Variants in MYO10 observed in about 807,000 individuals in gnomAD.
MYO10 encodes unconventional myosin-X.
In MYO10, 133 loss-of-function variants were observed where a neutral mutation model predicts 257.3. That is an observed-to-expected ratio of 0.52 (90% CI 0.45 to 0.60). The LOEUF is 0.60. MYO10 is among the 20% of genes least tolerant of loss of function. The pLI, the probability that MYO10 is intolerant of heterozygous loss-of-function variation, is 0.00. For missense variants in MYO10, 2,399 were observed against 2,635.7 expected (o/e 0.91, Z 1.97); for synonymous variants, 1,104 against 1,028.6 (o/e 1.07, Z -1.40).
At chr5:16,901,230 G>A (rs1484767961) in intron 1 of MYO10, among the ~76,000 whole-genome samples, 2 of 151,928 alleles carry the variant, frequency 1.3e-5, no homozygotes, top group Non-Finnish European at 2.9e-5. Context: ...CTCTGGCTTC[G>A]GCATTCACAT....
At position 16,699,786 on chromosome 5, in the gene MYO10, CAAAAAAAAAAAA is replaced by C. The variant is rs1203905060; in HGVS notation, c.3433-225_3433-214del. ...TGGGCAACAGAGCAAGCCTCAGTCT[CAAAAAAAAAAAA>C]AAAAAAAAAGGGAAAAGGAAAAAGA... On this transcript the variant is annotated intron_variant, in intron 25 of 40. Transcript: ENST00000513610. The C allele has an allele frequency of 9.4e-5, 5 of 53,304 alleles. 1 individual carries two copies. The highest frequency in any genetic ancestry group is 8.2e-4 in the South Asian group (1 of 1,214). The allele number at this position is 53,304 out of a possible 1,614,324, so 3.3% of individuals were successfully genotyped here. A position where few individuals can be genotyped will look rare whatever the true frequency, so the allele number is the denominator to read the frequency against.
rs1341530273 is a variant in MYO10, at chr5:16,760,427, C to T, written c.1739+1037G>A. ...AGTGAGCCGAGATTGCGCCACTGCACTCCAGTCTGGGTGACAGAACGAGAC... is the reference window on the plus strand; with the variant it reads ...AGTGAGCCGAGATTGCGCCACTGCATTCCAGTCTGGGTGACAGAACGAGAC... On this transcript the variant is annotated intron_variant, in intron 17 of 40. Coordinates refer to ENST00000513610, the MANE Select transcript of MYO10 (RefSeq NM_012334.3). 2.0e-5 allele frequency among the ~76,000 whole-genome samples: 3 copies of T among 150,070 alleles called. No individual in the cohort carries two copies. In the East Asian group the frequency reaches 5.9e-4, roughly 29 times the overall value.
intron 1 of MYO10, chr5:16,916,255 C>A: frequency 2.4e-6 from 1 of 415,086 alleles, no homozygotes; most frequent in South Asian, 1.7e-5. Context: ...GATAGTGGTG[C>A]AGACTCGTGT....
At chr5:16,696,804 C>T (rs553277800) in intron 26 of MYO10, among the ~76,000 whole-genome samples, 44 of 149,094 alleles carry the variant, frequency 3.0e-4, no homozygotes, top group Non-Finnish European at 5.3e-4. Context: ...TGTGGTGAGC[C>T]GAGTTCGCAC....
chr5:16,694,323 A>G (rs1003412528), intron 27 of MYO10, 48 bp downstream of exon 27: 1 of 1,610,932 alleles, frequency 6.2e-7, no homozygotes, highest in African/African-American at 1.3e-5. Context: ...GACCACCAGC[A>G]TAAACCATGA....
At chr5:16,768,664 C>CTTTTT (rs34950225) in intron 10 of MYO10, among the ~76,000 whole-genome samples, 736 of 70,022 alleles carry the variant, frequency 0.011, 4 homozygotes, top group East Asian at 0.023. Flanking sequence ...TTTCTCTTTT[C>CTTTTT]TTTTTTTTTT....
chr5:16,762,420 G>T, intron 15 of MYO10, 125 bp downstream of exon 15: 3 of 799,748 alleles, frequency 3.8e-6, no homozygotes, highest in Non-Finnish European at 5.9e-6. Context: ...GAACAGCTTT[G>T]GTTTGAGAAT....
Position 16,754,848 on chromosome 5 carries a change from T to TA in MYO10, c.1908dup (p.Ile637TyrfsTer13), listed in dbSNP as rs1560967135. ...CTTACCTTCTGCATGTTTGGCTTGA[T>TA]ACAGCGAACAAAGAAAGGATTAGAG... On this transcript the variant is annotated frameshift_variant, in exon 19 of 41. Coordinates refer to ENST00000513610, the MANE Select transcript of MYO10 (RefSeq NM_012334.3). LOFTEE classifies it high-confidence loss of function. 1 of 1,604,606 alleles carries TA rather than the reference T, an allele frequency of 6.2e-7. No individual in the cohort carries two copies.
intron 9 of MYO10, among the ~76,000 whole-genome samples, chr5:16,771,828 A>T (rs1323882190): frequency 6.6e-6 from 1 of 151,732 alleles, no homozygotes; most frequent in Non-Finnish European, 1.5e-5. Flanking sequence ...CAATCTGCCC[A>T]CCTAGGTCTC....
intron 1 of MYO10, among the ~76,000 whole-genome samples, chr5:16,885,500 C>A (rs1561038519): frequency 6.6e-6 from 1 of 152,032 alleles, no homozygotes; most frequent in Admixed American, 6.5e-5. Flanking sequence ...GATGAAACTC[C>A]GTCTCTACTA....
At chr5:16,874,130 C>T (rs1223384050) in intron 2 of MYO10, among the ~76,000 whole-genome samples, 11 of 151,906 alleles carry the variant, frequency 7.2e-5, no homozygotes, top group Non-Finnish European at 1.5e-4. Context: ...GTCAGCAGAT[C>T]GAGACCATCC....
intron 36 of MYO10, among the ~76,000 whole-genome samples, chr5:16,673,328 C>T (rs1258918756): frequency 6.7e-6 from 1 of 148,522 alleles, no homozygotes; most frequent in African/African-American, 2.6e-5. Context: ...TGATATTCAT[C>T]TAGCTAGTCA....
chr5:16,898,905 G>T (rs1288198662), intron 1 of MYO10, among the ~76,000 whole-genome samples: 1 of 134,924 alleles, frequency 7.4e-6, no homozygotes, highest in Non-Finnish European at 1.6e-5. Flanking sequence ...CAGCACTTTG[G>T]GAGGCTGAGG....
chr5:16,673,990 G>T (rs1736601668), intron 35 of MYO10, 101 bp from the exon 36 acceptor site: 13 of 976,102 alleles, frequency 1.3e-5, no homozygotes, highest in Non-Finnish European at 2.1e-5. Context: ...GCAGTGAATG[G>T]TCCCCCACTG....
In MYO10 at chr5:16,763,676, A is replaced by G. The variant is rs1740786147; in HGVS notation, c.1406T>C (p.Leu469Ser). Residue 469 changes from leucine to serine, a missense_variant, in exon 13 of 41, where the codon TTA (leucine) becomes TCA (serine). By Grantham distance (145) the Leu-to-Ser change is moderately radical. Transcript: ENST00000513610. The part of the protein sequence containing the change: ...QEYFNKHIFS[L>S]EQLEYSREGL... ...TTACCGGCTATATTCTAGTTGTTCT[A>G]AAGAAAAAATATGCTTGTTGAAGTA... is the stretch of plus-strand genomic sequence containing the variant. 1 of 1,609,986 alleles carries G rather than the reference A, an allele frequency of 6.2e-7. No individual in the cohort carries two copies. Among genetic ancestry groups the G allele is most frequent in the Non-Finnish European group, 8.5e-7 (1 of 1,176,556 alleles).
intron 19 of MYO10, among the ~76,000 whole-genome samples, chr5:16,737,920 T>C (rs1037287649): frequency 1.3e-5 from 2 of 152,160 alleles, no homozygotes; most frequent in Non-Finnish European, 2.9e-5. Context: ...GCAAGAATCA[T>C]CTGTTTGAGA....
At chr5:16,790,887 T>C (rs559627796) in intron 4 of MYO10, among the ~76,000 whole-genome samples, 226 of 124,520 alleles carry the variant, frequency 1.8e-3, no homozygotes, top group Non-Finnish European at 2.7e-3. Flanking sequence ...TTCAAGTAAG[T>C]TTTAAATTTA....
chr5:16,749,098 C>G (rs1318310966), intron 19 of MYO10, among the ~76,000 whole-genome samples: 2 of 152,142 alleles, frequency 1.3e-5, no homozygotes, highest in East Asian at 3.9e-4. Flanking sequence ...TTCCATTTTC[C>G]AGCAAATTTG....
At chr5:16,788,696 T>C (rs1741664231) in intron 4 of MYO10, among the ~76,000 whole-genome samples, 1 of 151,574 alleles carries the variant, frequency 6.6e-6, no homozygotes, top group Non-Finnish European at 1.5e-5. Context: ...CGCAGGTGGG[T>C]GAGAAGACAG....
Sources: gnomAD v4.1 joint callset for allele counts (sites outside exome capture counted in the v4.1 genomes callset) on GRCh38, gnomAD v4.1.1 for gene constraint, MANE v1.5 for transcripts, NCBI Gene and HGNC (gene_info 2026-07-23, HGNC 2026-07-21) for gene names.